Variants in ADAM23 observed in about 807,000 individuals in gnomAD.
ADAM23 encodes ADAM metallopeptidase domain 23.
In ADAM23, 33 loss-of-function variants were observed where a neutral mutation model predicts 120.1. The ratio of observed to expected loss-of-function variants is 0.27; its 90% confidence interval spans 0.21 to 0.37. The LOEUF is 0.37. Among genes scored for constraint, ADAM23 ranks in the 10% least tolerant of loss-of-function variants. ADAM23 has a pLI of 1.00. For missense variants in ADAM23, 862 were observed against 1,058.2 expected, an observed-to-expected ratio of 0.81 and a Z score of 2.57; for synonymous variants, 367 against 375.2, an observed-to-expected ratio of 0.98 and a Z score of 0.25.
At chr2:206,520,575 A>G (rs916132166) in intron 3 of ADAM23, among the ~76,000 whole-genome samples, 2 of 152,078 alleles carry the variant, frequency 1.3e-5, no homozygotes, top group Admixed American at 6.6e-5. Flanking sequence ...TAATTGAATG[A>G]GTGGAGGACA....
intron 14 of ADAM23, among the ~76,000 whole-genome samples, chr2:206,566,525 T>A (rs1292790245): frequency 6.6e-6 from 1 of 152,200 alleles, no homozygotes; most frequent in Non-Finnish European, 1.5e-5. Context: ...GACATAGAGA[T>A]ATTATATTTG....
chr2:206,590,479 T>C (rs1212675911), intron 21 of ADAM23, among the ~76,000 whole-genome samples: 1 of 152,218 alleles, frequency 6.6e-6, no homozygotes, highest in African/African-American at 2.4e-5. Context: ...TGTGGAACAA[T>C]GGAATCATTA....
At chr2:206,486,838 C>G (rs143354299) in intron 3 of ADAM23, among the ~76,000 whole-genome samples, 1 of 152,126 alleles carries the variant, frequency 6.6e-6, no homozygotes, top group African/African-American at 2.4e-5. Context: ...AATTCTAGAA[C>G]GTTTTCATCA....
intron 3 of ADAM23, among the ~76,000 whole-genome samples, chr2:206,529,153 G>T (rs1308440328): frequency 6.6e-6 from 1 of 152,082 alleles, no homozygotes; most frequent in African/African-American, 2.4e-5. Flanking sequence ...AGCATACTCA[G>T]TACTCTGTAC....
chr2:206,463,074 G>A (rs746355899), intron 2 of ADAM23, among the ~76,000 whole-genome samples: 33 of 152,134 alleles, frequency 2.2e-4, no homozygotes, highest in Non-Finnish European at 4.0e-4. Flanking sequence ...ATACATTTTG[G>A]ATTATTGTAG....
intron 4 of ADAM23, among the ~76,000 whole-genome samples, chr2:206,540,909 TA>T (rs886978399): frequency 6.8e-6 from 1 of 147,884 alleles, no homozygotes; most frequent in African/African-American, 2.4e-5. Flanking sequence ...TTATAAATAA[TA>T]AAAATTATTA....
At chr2:206,485,677 C>T (rs1014223651) in intron 3 of ADAM23, among the ~76,000 whole-genome samples, 4 of 152,214 alleles carry the variant, frequency 2.6e-5, no homozygotes, top group Non-Finnish European at 5.9e-5. Context: ...TGCTATGTGC[C>T]TCTGGCTGTT....
intron 3 of ADAM23, among the ~76,000 whole-genome samples, chr2:206,501,201 C>A (rs1366535882): frequency 6.6e-6 from 1 of 152,072 alleles, no homozygotes; most frequent in Non-Finnish European, 1.5e-5. Context: ...TTAGATAAAT[C>A]TTTAAATGTC....
At chr2:206,480,233 T>C (rs909765884) in intron 2 of ADAM23, among the ~76,000 whole-genome samples, 5 of 151,916 alleles carry the variant, frequency 3.3e-5, no homozygotes, top group Non-Finnish European at 7.4e-5. Flanking sequence ...TCAATCATCA[T>C]AAATACAGGG....
intron 3 of ADAM23, among the ~76,000 whole-genome samples, chr2:206,515,476 G>C (rs889566304): frequency 6.6e-6 from 1 of 152,082 alleles, no homozygotes; most frequent in Non-Finnish European, 1.5e-5. Flanking sequence ...CTTTGCTCCT[G>C]TGTCCTTCCA....
At chr2:206,504,954 A>G (rs978015679) in intron 3 of ADAM23, among the ~76,000 whole-genome samples, 4 of 152,246 alleles carry the variant, frequency 2.6e-5, no homozygotes, top group Admixed American at 2.6e-4. Flanking sequence ...AAGTAAAAAG[A>G]AGAATAAGTA....
At chr2:206,471,386 T>G (rs1334740449) in intron 2 of ADAM23, among the ~76,000 whole-genome samples, 1 of 152,344 alleles carries the variant, frequency 6.6e-6, no homozygotes, top group African/African-American at 2.4e-5. Context: ...TGCATTGACA[T>G]GAGTCCACTG....
intron 19 of ADAM23, among the ~76,000 whole-genome samples, chr2:206,587,729 C>CTGTAGGTT (rs1441747176): frequency 3.3e-5 from 5 of 152,156 alleles, no homozygotes; most frequent in Non-Finnish European, 5.9e-5. Context: ...ATATTATAAC[C>CTGTAGGTT]TACAGGTGAG....
rs914792428 is a variant in ADAM23 at position 206,561,148 on chromosome 2, A to G, written c.1190A>G (p.Lys397Arg). 3 of 1,614,052 alleles carry G rather than the reference A, an allele frequency of 1.9e-6. No individual in the cohort carries two copies. Among genetic ancestry groups the G allele is most frequent in the Non-Finnish European group, 2.5e-6 (3 of 1,179,948 alleles). Residue 397 changes from lysine to arginine, a missense_variant, in exon 12 of 26, where the codon AAG (lysine) becomes AGG (arginine). Around this residue, in one of 4 missense-constraint regions of ADAM23, gnomAD observed 617 missense variants for 813.5 expected, o/e 0.76. Coordinates refer to ENST00000264377, the MANE Select transcript of ADAM23 (RefSeq NM_003812.4). ...TTAAGGCGGGTGACATTTCACTATA[A>G]GAGAAGCAGTCTGAGTTACTTTGGA... ...HLISRVTFHYKRSSLSYFGGV... is the reference protein window; with the variant it reads ...HLISRVTFHYRRSSLSYFGGV...
At chr2:206,511,252 C>G (rs758103912) in intron 3 of ADAM23, among the ~76,000 whole-genome samples, 2 of 152,036 alleles carry the variant, frequency 1.3e-5, no homozygotes, top group African/African-American at 2.4e-5. Context: ...GAGGTTCTTT[C>G]TATAATTTCT....
At chr2:206,587,227 G>A in intron 18 of ADAM23, 98 bp from the exon 19 acceptor site, 1 of 800,348 alleles carries the variant, frequency 1.2e-6, no homozygotes, top group South Asian at 2.0e-5. Flanking sequence ...AATGTTTCTA[G>A]TTATATATAT....
At chr2:206,507,523 C>G (rs1337290087) in intron 3 of ADAM23, among the ~76,000 whole-genome samples, 1 of 152,098 alleles carries the variant, frequency 6.6e-6, no homozygotes, top group African/African-American at 2.4e-5. Flanking sequence ...TGAGCAGATG[C>G]CACCATGCTT....
At chr2:206,615,707 G>A (rs1473989931) in intron 25 of ADAM23, among the ~76,000 whole-genome samples, 1 of 152,200 alleles carries the variant, frequency 6.6e-6, no homozygotes, top group Admixed American at 6.5e-5. Context: ...CAGCCTCTCT[G>A]TCTGGCCTGG....
chr2:206,508,196 A>AT (rs1308532342), intron 3 of ADAM23, among the ~76,000 whole-genome samples: 13 of 151,908 alleles, frequency 8.6e-5, no homozygotes, highest in African/African-American at 1.5e-4. Context: ...CGCCCAGCTA[A>AT]TTTTTTGTAT....
Sources: gnomAD v4.1 joint callset for allele counts (sites outside exome capture counted in the v4.1 genomes callset) on GRCh38, gnomAD v4.1.1 for gene constraint, gnomAD v4.1.1 regional missense constraint, MANE v1.5 for transcripts, NCBI Gene and HGNC (gene_info 2026-07-23, HGNC 2026-07-21) for gene names.